NCOA2: variants seen among roughly 807,000 people sequenced by gnomAD.
The protein encoded by NCOA2 is class E basic helix-loop-helix protein 75.
In NCOA2, 21 loss-of-function variants were observed where a neutral mutation model predicts 145.1. The observed-to-expected ratio is 0.14, with a 90% CI of 0.10 to 0.21. The LOEUF (loss-of-function observed/expected upper bound fraction) is 0.21, where lower values mean the gene tolerates loss of function less well. Ranked by LOEUF, NCOA2 falls within the 10% of genes least tolerant of loss-of-function variation. The pLI is 1.00. For synonymous variants in NCOA2, 619 were observed against 637.5 expected (o/e 0.97, Z 0.44); for missense variants, 1,472 against 1,837.6 (o/e 0.80, Z 3.64).
At chr8:70,303,289 AT>A (rs1827644372) in intron 1 of NCOA2, among the ~76,000 whole-genome samples, 1 of 152,216 alleles carries the variant, frequency 6.6e-6, no homozygotes, top group Admixed American at 6.5e-5. Flanking sequence ...GGTAAAAACT[AT>A]GTAGAAAAGG....
At chr8:70,232,367 C>T (rs1399481891) in intron 2 of NCOA2, among the ~76,000 whole-genome samples, 2 of 152,198 alleles carry the variant, frequency 1.3e-5, no homozygotes, top group Admixed American at 6.5e-5. Flanking sequence ...GGCAGAGGGG[C>T]CCCAAAGATT....
intron 4 of NCOA2, among the ~76,000 whole-genome samples, chr8:70,185,370 T>G (rs1256629035): frequency 1.3e-5 from 2 of 152,198 alleles, no homozygotes; most frequent in Non-Finnish European, 2.9e-5. Context: ...AACATTATGC[T>G]AAATCATATC....
intron 2 of NCOA2, among the ~76,000 whole-genome samples, chr8:70,261,974 C>A (rs1336555321): frequency 1.3e-5 from 2 of 151,988 alleles, no homozygotes; most frequent in Non-Finnish European, 2.9e-5. Context: ...GCAGATAAAT[C>A]TAAGTCTTCA....
chr8:70,110,260 A>T lies in NCOA2; in HGVS notation c.*3372T>A, dbSNP rs1331882087. On this transcript the variant is annotated 3_prime_UTR_variant, in exon 23 of 23. Coordinates refer to ENST00000452400, the MANE Select transcript of NCOA2 (RefSeq NM_006540.4). Reference sequence around the variant, plus strand: ...TTAAGTGATGATGCACTTATTCAAAAATTGTACACAATTCACTATACAAAT... The same window carrying T: ...TTAAGTGATGATGCACTTATTCAAATATTGTACACAATTCACTATACAAAT... The T allele has an allele frequency of 5.0e-6, 1 of 198,616 alleles. No individual in the cohort carries two copies. Among genetic ancestry groups the T allele is most frequent in the Non-Finnish European group, 1.0e-5 (1 of 96,140 alleles). 12.3% of individuals were successfully genotyped at this position (198,616 alleles called of 1,614,324 possible).
At chr8:70,122,688 T>G (rs544038586) in intron 21 of NCOA2, among the ~76,000 whole-genome samples, 3 of 152,362 alleles carry the variant, frequency 2.0e-5, no homozygotes, top group South Asian at 2.1e-4. Context: ...CTTTAAATTT[T>G]CTCATGTACC....
At position 70,110,105 on chromosome 8, in the gene NCOA2, C is replaced by CAT. The variant is rs1025157087; in HGVS notation, c.*3525_*3526dup. ...TAATTTTACCCTTGTATAATCTTTT[C>CAT]ATATACACACATCTCAGATGCAACT... is the stretch of plus-strand genomic sequence containing the variant. On this transcript the variant is annotated 3_prime_UTR_variant, in exon 23 of 23. Transcript: ENST00000452400. The CAT allele has an allele frequency of 1.0e-5, 2 of 197,320 alleles. No individual in the cohort carries two copies. Among genetic ancestry groups the CAT allele is most frequent in the African/African-American group, 4.6e-5 (2 of 43,394 alleles). The allele number at this position is 197,320 out of a possible 1,614,324, so 12.2% of individuals were successfully genotyped here.
intron 1 of NCOA2, among the ~76,000 whole-genome samples, chr8:70,383,848 C>T (rs557188314): frequency 6.6e-6 from 1 of 151,892 alleles, no homozygotes; most frequent in South Asian, 2.1e-4. Flanking sequence ...ACTCATACTT[C>T]TAAGAAAAAA....
intron 11 of NCOA2, among the ~76,000 whole-genome samples, 195 bp downstream of exon 11, chr8:70,155,776 C>T (rs1645280310): frequency 6.6e-6 from 1 of 152,184 alleles, no homozygotes; most frequent in Admixed American, 6.5e-5. Context: ...GGCCTGCCCA[C>T]CTATGTTCTA....
At chr8:70,120,299 A>G (rs1358333372) in intron 22 of NCOA2, among the ~76,000 whole-genome samples, 1 of 152,218 alleles carries the variant, frequency 6.6e-6, no homozygotes, top group East Asian at 1.9e-4. Flanking sequence ...CCATTTATCT[A>G]TGTGCCAAAC....
At chr8:70,258,268 G>A (rs1586278362) in intron 2 of NCOA2, among the ~76,000 whole-genome samples, 1 of 152,132 alleles carries the variant, frequency 6.6e-6, no homozygotes, top group East Asian at 1.9e-4. Context: ...CTACAAAGCT[G>A]CTCCTTGAAA....
intron 22 of NCOA2, among the ~76,000 whole-genome samples, chr8:70,119,127 A>G (rs1360637783): frequency 5.3e-5 from 8 of 151,640 alleles, no homozygotes; most frequent in African/African-American, 1.9e-4. Flanking sequence ...TTTTAACTAT[A>G]GTTATGCTAC....
chr8:70,204,591 T>A (rs1213538663), intron 4 of NCOA2, among the ~76,000 whole-genome samples: 1 of 152,220 alleles, frequency 6.6e-6, no homozygotes, highest in East Asian at 1.9e-4. Context: ...AGGGCAGTAT[T>A]TTCTCCTGAT....
intron 4 of NCOA2, among the ~76,000 whole-genome samples, chr8:70,210,932 T>C (rs1484907951): frequency 6.6e-6 from 1 of 152,190 alleles, no homozygotes; most frequent in African/African-American, 2.4e-5. Flanking sequence ...GAAATACAAA[T>C]TAAGTCTGGA....
the NCOA2 span, among the ~76,000 whole-genome samples, chr8:70,410,290 T>C: frequency 6.6e-6 from 1 of 152,096 alleles, no homozygotes; most frequent in African/African-American, 2.4e-5. Flanking sequence ...GCTGGCAGAA[T>C]TGTACAAACA....
intron 2 of NCOA2, chr8:70,273,671 A>C: frequency 1.5e-6 from 1 of 678,702 alleles, no homozygotes; most frequent in Non-Finnish European, 2.7e-6. Flanking sequence ...GCTACCCAGA[A>C]TCTTAAACCA....
the NCOA2 span, among the ~76,000 whole-genome samples, chr8:70,452,833 T>C: frequency 2.6e-5 from 4 of 152,094 alleles, no homozygotes; most frequent in Non-Finnish European, 5.9e-5. Context: ...ACTCTATTCA[T>C]AGGGCAATTA....
At chr8:70,410,567 T>A in the NCOA2 span, among the ~76,000 whole-genome samples, 1 of 152,284 alleles carries the variant, frequency 6.6e-6, no homozygotes, top group Admixed American at 6.5e-5. Context: ...ACTCCTGGGC[T>A]CAAGCCATTC....
chr8:70,173,574 A>T (rs989781472), intron 5 of NCOA2, among the ~76,000 whole-genome samples: 9 of 152,132 alleles, frequency 5.9e-5, no homozygotes, highest in Admixed American at 6.5e-5. Context: ...AAATTGGGTT[A>T]AGTGTGTTTT....
intron 2 of NCOA2, among the ~76,000 whole-genome samples, chr8:70,253,643 T>C (rs910058594): frequency 2.0e-5 from 3 of 152,172 alleles, no homozygotes; most frequent in African/African-American, 4.8e-5. Context: ...CCAAGACCAT[T>C]CAATGGGGAA....
Sources: gnomAD v4.1 joint callset for allele counts (sites outside exome capture counted in the v4.1 genomes callset) on GRCh38, gnomAD v4.1.1 for gene constraint, MANE v1.5 for transcripts, NCBI Gene and HGNC (gene_info 2026-07-23, HGNC 2026-07-21) for gene names.